The following POU6F2 variants were observed in gnomAD, a reference collection of about 807,000 sequenced individuals.
The protein encoded by POU6F2 is POU domain, class 6, transcription factor 2.
POU6F2 carries 31 observed loss-of-function variants against 71.3 expected under a neutral mutation model. The observed-to-expected ratio is 0.43, with a 90% CI of 0.33 to 0.59. The LOEUF (loss-of-function observed/expected upper bound fraction) is 0.59, where lower values mean the gene tolerates loss of function less well. Among genes scored for constraint, POU6F2 ranks in the 20% least tolerant of loss-of-function variants. POU6F2 has a pLI of 0.04. For synonymous variants in POU6F2, 347 were observed against 355.7 expected (o/e 0.98, Z 0.27); for missense variants, 783 against 856.8 (o/e 0.91, Z 1.07).
At chr7:39,426,716 C>T (rs1402264367) in intron 6 of POU6F2, among the ~76,000 whole-genome samples, 1 of 152,186 alleles carries the variant, frequency 6.6e-6, no homozygotes, top group Non-Finnish European at 1.5e-5. Context: ...AATATTTATT[C>T]AGCCACTTTC....
chr7:39,036,901 T>C (rs375608825), intron 1 of POU6F2, among the ~76,000 whole-genome samples: 1 of 143,084 alleles, frequency 7.0e-6, no homozygotes, highest in Non-Finnish European at 1.5e-5. Flanking sequence ...TTATTATTAT[T>C]TTAAACCTTT....
At chr7:39,020,970 T>A (rs190451338) in intron 1 of POU6F2, among the ~76,000 whole-genome samples, 27 of 152,106 alleles carry the variant, frequency 1.8e-4, no homozygotes, top group South Asian at 4.2e-4. Context: ...TCATTTTTTT[T>A]AAAATGTTCT....
At chr7:39,270,785 A>G (rs1784326117) in intron 4 of POU6F2, among the ~76,000 whole-genome samples, 1 of 152,180 alleles carries the variant, frequency 6.6e-6, no homozygotes, top group Non-Finnish European at 1.5e-5. Context: ...GTGGATGGAT[A>G]GAAACCCTCC....
intron 2 of POU6F2, among the ~76,000 whole-genome samples, chr7:39,121,440 C>G (rs759480787): frequency 1.6e-4 from 25 of 152,168 alleles, no homozygotes; most frequent in Non-Finnish European, 3.2e-4. Flanking sequence ...TGCCAGGTGG[C>G]ACAATTAAGA....
rs570407081 is a variant in POU6F2 at position 39,306,998 on chromosome 7, G to A, written c.599-32644G>A. ...ATTTTGAAGGGATCCATTAGAAGGG[G>A]TGCAGGGGATGTCACTCCACTGAAG... On this transcript the variant is annotated intron_variant, in intron 4 of 9. Transcript: ENST00000518318. 3.3e-5 allele frequency among the ~76,000 whole-genome samples: 5 copies of A among 152,306 alleles called. No individual in the cohort carries two copies. The South Asian group carries it at 1.0e-3, about 32-fold the overall frequency.
At chr7:39,318,778 G>A (rs554192119) in intron 4 of POU6F2, among the ~76,000 whole-genome samples, 1 of 152,214 alleles carries the variant, frequency 6.6e-6, no homozygotes, top group South Asian at 2.1e-4. Context: ...AACATCCCAG[G>A]CTACTGCTAG....
At chr7:39,003,757 A>C (rs1028043101) in intron 1 of POU6F2, among the ~76,000 whole-genome samples, 1 of 152,080 alleles carries the variant, frequency 6.6e-6, no homozygotes, top group African/African-American at 2.4e-5. Flanking sequence ...TCAAAAAAAA[A>C]AAAAGAAGGG....
intron 6 of POU6F2, among the ~76,000 whole-genome samples, chr7:39,421,136 G>C (rs1445952135): frequency 6.6e-6 from 1 of 151,934 alleles, no homozygotes; most frequent in Non-Finnish European, 1.5e-5. Context: ...ATGAAAATGG[G>C]GATGCAATTT....
chr7:39,202,999 A>T (rs996089996), intron 2 of POU6F2, among the ~76,000 whole-genome samples: 4 of 152,218 alleles, frequency 2.6e-5, no homozygotes, highest in Non-Finnish European at 5.9e-5. Context: ...TTGCACATTT[A>T]TTGCTTAATC....
At chr7:39,076,504 T>G (rs1256253102) in intron 1 of POU6F2, among the ~76,000 whole-genome samples, 1 of 152,022 alleles carries the variant, frequency 6.6e-6, no homozygotes, top group African/African-American at 2.4e-5. Context: ...ATCCTGGAAC[T>G]TAAACTAAAA....
At chr7:39,277,023 G>T (rs559577995) in intron 4 of POU6F2, among the ~76,000 whole-genome samples, 2 of 152,170 alleles carry the variant, frequency 1.3e-5, no homozygotes, top group African/African-American at 4.8e-5. Flanking sequence ...TGTACATTGT[G>T]CACATGTACC....
At chr7:39,380,310 G>A (rs541988466) in intron 5 of POU6F2, among the ~76,000 whole-genome samples, 183 of 152,302 alleles carry the variant, frequency 1.2e-3, no homozygotes, top group African/African-American at 4.2e-3. Context: ...ACCTGAGAAT[G>A]GGAATAATAG....
At chr7:39,059,719 C>G (rs1355151730) in intron 1 of POU6F2, among the ~76,000 whole-genome samples, 2 of 152,110 alleles carry the variant, frequency 1.3e-5, no homozygotes, top group African/African-American at 4.8e-5. Flanking sequence ...TGTATAAAAA[C>G]TTGTATATAA....
At chr7:39,356,383 C>T (rs1464852880) in intron 5 of POU6F2, among the ~76,000 whole-genome samples, 4 of 152,202 alleles carry the variant, frequency 2.6e-5, no homozygotes, top group African/African-American at 9.6e-5. Context: ...TCACTGACCC[C>T]TCATGGCTCA....
chr7:39,377,640 C>G (rs1031962881), intron 5 of POU6F2, among the ~76,000 whole-genome samples: 1 of 152,170 alleles, frequency 6.6e-6, no homozygotes, highest in Non-Finnish European at 1.5e-5. Context: ...CTGCTCCCCC[C>G]TCGCTGTGTC....
Position 39,246,067 on chromosome 7 carries a change from T to C in POU6F2, c.598+38447T>C, listed in dbSNP as rs561499387. Among the ~76,000 whole-genome samples the C allele has an allele frequency of 3.3e-5, 5 of 152,346 alleles. No individual in the cohort carries two copies. In the South Asian group the frequency reaches 8.3e-4, roughly 25 times the overall value. On this transcript the variant is annotated intron_variant, in intron 4 of 9. Transcript: ENST00000518318. Reference sequence around the variant, plus strand: ...TGCTCAGAGAGAAAGAAACAAGACGTTAACCAAGTTGAAAGTGAACCCAAG... The same window carrying C: ...TGCTCAGAGAGAAAGAAACAAGACGCTAACCAAGTTGAAAGTGAACCCAAG...
chr7:39,137,595 T>A (rs1792412876), intron 2 of POU6F2, among the ~76,000 whole-genome samples: 1 of 152,120 alleles, frequency 6.6e-6, no homozygotes, highest in African/African-American at 2.4e-5. Flanking sequence ...TTAAAGAGCT[T>A]TCAACTTTTC....
At chr7:39,101,246 G>A (rs1331421353) in intron 2 of POU6F2, among the ~76,000 whole-genome samples, 4 of 151,726 alleles carry the variant, frequency 2.6e-5, no homozygotes, top group Non-Finnish European at 5.9e-5. Context: ...GCTAATTTTT[G>A]TATTTTTGGT....
intron 2 of POU6F2, among the ~76,000 whole-genome samples, chr7:39,107,308 G>A (rs910154778): frequency 6.6e-6 from 1 of 151,672 alleles, no homozygotes; most frequent in African/African-American, 2.4e-5. Flanking sequence ...GCCTCCCAAA[G>A]TATTGGAATT....
Sources: allele counts gnomAD v4.1 joint callset (sites outside exome capture counted in the v4.1 genomes callset), GRCh38; gene constraint gnomAD v4.1.1; transcripts MANE v1.5; gene names NCBI Gene and HGNC (gene_info 2026-07-23, HGNC 2026-07-21).